Variants in HEATR5B observed in about 807,000 individuals in gnomAD.
The protein encoded by HEATR5B is HEAT repeat-containing protein 5B.
Under a neutral mutation model 224.1 loss-of-function variants are expected in HEATR5B, and 156 were observed. The ratio of observed to expected loss-of-function variants is 0.70; its 90% CI spans 0.61 to 0.80. The LOEUF (loss-of-function observed/expected upper bound fraction) is 0.80. Among genes scored for constraint, HEATR5B ranks in the 30% least tolerant of loss-of-function variants. The pLI is 0.00. For missense variants in HEATR5B, 2,323 were observed against 2,535.5 expected (o/e 0.92, Z 1.80); for synonymous variants, 1,027 against 893.0 (o/e 1.15, Z -2.68).
rs1209830798 is a variant in HEATR5B at position 37,060,706 on chromosome 2, G to A, written c.1724C>T (p.Pro575Leu). 1.2e-6 allele frequency: 2 copies of A among 1,613,374 alleles called. No homozygotes were observed. Among genetic ancestry groups the A allele is most frequent in the African/African-American group, 1.3e-5 (1 of 74,792 alleles). Residue 575 changes from proline (P) to leucine (L), a missense_variant, in exon 12 of 36, where the codon CCC (proline) becomes CTC (leucine). Physicochemically the swap from Pro to Leu is moderately conservative, Grantham distance 98. Transcript: ENST00000233099. ...LGPSVVRYHL[P>L]KMLLLWRNVF... ...ATTTCGCCACAATAACAACATCTTG[G>A]GCAGATGGTAACGAACGACAGATGG...
chr2:37,064,617 T>C (rs1232828018), intron 10 of HEATR5B, 123 bp downstream of exon 10: 7 of 895,982 alleles, frequency 7.8e-6, no homozygotes, highest in East Asian at 2.4e-5. Context: ...AAGAACACTA[T>C]GTTTTATGAT....
Position 37,083,434 on chromosome 2 carries a change from C to T in HEATR5B, c.-20G>A. 1.9e-6 allele frequency: 3 copies of T among 1,602,702 alleles called. No individual in the cohort carries two copies. The highest frequency in any genetic ancestry group is 2.6e-6 in the Non-Finnish European group (3 of 1,171,938). The stretch of plus-strand genomic sequence containing the variant: ...CTCCATTACGGAAGTTTGAAATTCA[C>T]ACCTTAAATTTAACAGAGTAAAAAA... On this transcript the variant is annotated splice_region_variant and 5_prime_UTR_variant, in exon 2 of 36. It adds an upstream start codon to the 5' untranslated region. Transcript: ENST00000233099.
chr2:37,019,868 C>A lies in HEATR5B; in HGVS notation c.4045G>T (p.Ala1349Ser). ...LEQYQANVGAALRPAFSQDTP... is the reference protein window; with the variant it reads ...LEQYQANVGASLRPAFSQDTP... ...TCTTGTGAAAAGGCTGGTCTTAGAG[C>A]AGCTCCCACCTAGAAAAATAAATAA... Residue 1349 changes from alanine (A) to serine (S), a missense_variant, in exon 26 of 36, where the codon GCT becomes TCT. Ala to Ser is a moderately conservative substitution (Grantham distance 99). Around this residue, in one of 12 missense-constraint regions of HEATR5B, gnomAD observed 339 missense variants for 378.4 expected, o/e 0.90. Coordinates refer to ENST00000233099, the MANE Select transcript of HEATR5B (RefSeq NM_019024.3). 1 of 1,601,904 alleles carries A rather than the reference C, an allele frequency of 6.2e-7. No homozygotes were observed. The highest frequency in any genetic ancestry group is 8.5e-7 in the Non-Finnish European group (1 of 1,172,966).
intron 6 of HEATR5B, among the ~76,000 whole-genome samples, chr2:37,071,264 C>T (rs1204866010): frequency 3.3e-5 from 5 of 152,042 alleles, no homozygotes; most frequent in Non-Finnish European, 7.4e-5. Context: ...GAACCTAAAA[C>T]ATCTGGTTCT....
At chr2:37,075,805 G>A in intron 4 of HEATR5B, 171 bp from the exon 5 acceptor site, 1 of 438,158 alleles carries the variant, frequency 2.3e-6, no homozygotes, top group Non-Finnish European at 4.0e-6. Flanking sequence ...TGGCAAGTAA[G>A]AATAGTCAAT....
chr2:37,051,305 G>A (rs545634684), intron 17 of HEATR5B, among the ~76,000 whole-genome samples: 152 of 117,302 alleles, frequency 1.3e-3, no homozygotes, highest in African/African-American at 4.9e-3. Context: ...GCAGTGAGCT[G>A]AGATCACGCC....
At chr2:37,013,794 G>C (rs1572804363) in intron 27 of HEATR5B, 47 bp downstream of exon 27, 1 of 1,453,260 alleles carries the variant, frequency 6.9e-7, no homozygotes, top group Non-Finnish European at 9.2e-7. Flanking sequence ...ATTTTCTCAT[G>C]GATGAAGAAA....
At chr2:36,999,354 A>C (rs1666936901) in intron 33 of HEATR5B, among the ~76,000 whole-genome samples, 1 of 152,154 alleles carries the variant, frequency 6.6e-6, no homozygotes, top group South Asian at 2.1e-4. Flanking sequence ...CAACAACTTG[A>C]AGAAAACATA....
chr2:36,986,362 T>C (rs138163095), intron 35 of HEATR5B, among the ~76,000 whole-genome samples: 1 of 152,350 alleles, frequency 6.6e-6, no homozygotes, highest in African/African-American at 2.4e-5. Context: ...TCTTTTCTTT[T>C]GCCTTCTATA....
chr2:37,018,441 C>T (rs182958160), intron 26 of HEATR5B, among the ~76,000 whole-genome samples: 1 of 152,306 alleles, frequency 6.6e-6, no homozygotes, highest in African/African-American at 2.4e-5. Context: ...GTTTGCATCA[C>T]GATCCAGAGA....
Position 36,981,345 on chromosome 2 carries a change from G to C in HEATR5B, c.*145C>G, listed in dbSNP as rs1365530429. 3 of 517,564 alleles carry C rather than the reference G, an allele frequency of 5.8e-6. No homozygotes were observed. Among genetic ancestry groups the C allele is most frequent in the Non-Finnish European group, 9.9e-6 (3 of 303,020 alleles). The allele number at this position is 517,564 out of a possible 1,614,324, so 32.1% of individuals were successfully genotyped here. On this transcript the variant is annotated 3_prime_UTR_variant, in exon 36 of 36. Transcript: ENST00000233099. ...CCTTAAAAATCAATAAGTGGTGTGA[G>C]CATTATTTCACTTAACCTACTTGGA... is the stretch of plus-strand genomic sequence containing the variant.
chr2:37,080,592 G>C (rs1672494057), intron 2 of HEATR5B, among the ~76,000 whole-genome samples: 1 of 152,148 alleles, frequency 6.6e-6, no homozygotes, highest in South Asian at 2.1e-4. Flanking sequence ...TCCTGAGATA[G>C]AGAACATGGG....
intron 2 of HEATR5B, among the ~76,000 whole-genome samples, chr2:37,082,103 C>T (rs1460606130): frequency 5.3e-5 from 5 of 95,122 alleles, no homozygotes; most frequent in South Asian, 4.0e-4. Context: ...GAGTTTCACT[C>T]TTGTCCCCCG....
Position 37,020,748 on chromosome 2 carries a change from C to G in HEATR5B, c.3942G>C (p.Gly1314=). The stretch of plus-strand genomic sequence containing the variant: ...TGATAATGTCTTCAAGCGCCTGGAG[C>G]CCAGCCATTCGCAGCTGGTTGCTAT... The part of the protein sequence containing the change: ...TDHSNQLRMA[G]LQALEDIIKK... Residue 1314 remains glycine, a synonymous_variant, in exon 25 of 36, where the codon GGG becomes GGC. Transcript: ENST00000233099. The G allele has an allele frequency of 3.7e-6, 6 of 1,610,220 alleles. No individual in the cohort carries two copies. The highest frequency in any genetic ancestry group is 5.1e-6 in the Non-Finnish European group (6 of 1,179,216).
At chr2:37,080,317 T>A (rs1187020020) in intron 2 of HEATR5B, among the ~76,000 whole-genome samples, 1 of 152,132 alleles carries the variant, frequency 6.6e-6, no homozygotes, top group Non-Finnish European at 1.5e-5. Context: ...GATCTAAATG[T>A]TTTTAACAGG....
At chr2:37,043,417 T>C (rs866514214) in intron 18 of HEATR5B, among the ~76,000 whole-genome samples, 10 of 152,314 alleles carry the variant, frequency 6.6e-5, no homozygotes, top group Non-Finnish European at 1.2e-4. Flanking sequence ...CAAAGAACAA[T>C]AGCATCTGCT....
At chr2:37,019,902 AT>A in intron 25 of HEATR5B, 25 bp from the exon 26 acceptor site, 3 of 1,537,940 alleles carry the variant, frequency 2.0e-6, no homozygotes, top group Non-Finnish European at 1.8e-6. Flanking sequence ...AAAGCATTTT[AT>A]TTTTTACTTT....
intron 20 of HEATR5B, among the ~76,000 whole-genome samples, chr2:37,040,103 T>C (rs1669780235): frequency 1.3e-5 from 2 of 152,336 alleles, no homozygotes; most frequent in East Asian, 3.9e-4. Flanking sequence ...AAATGTTTTC[T>C]CTGCTCAAAA....
chr2:37,083,782 C>T (rs1435821349), intron 1 of HEATR5B, among the ~76,000 whole-genome samples: 1 of 152,216 alleles, frequency 6.6e-6, no homozygotes. Flanking sequence ...AACACCCCAG[C>T]CGGGCTTGAC....
Sources: gnomAD v4.1 joint callset for allele counts (sites outside exome capture counted in the v4.1 genomes callset) on GRCh38, gnomAD v4.1.1 for gene constraint, gnomAD v4.1.1 regional missense constraint, MANE v1.5 for transcripts, NCBI Gene and HGNC (gene_info 2026-07-23, HGNC 2026-07-21) for gene names.